The following GRID2 variants were observed in gnomAD, a reference collection of about 807,000 sequenced individuals.
The protein encoded by GRID2 is glutamate ionotropic receptor delta type subunit 2.
In GRID2, 33 loss-of-function variants were observed where a neutral mutation model predicts 114.8. The observed-to-expected ratio is 0.29, with a 90% CI of 0.22 to 0.38. GRID2 has a LOEUF of 0.38. Ranked by LOEUF, GRID2 falls within the 10% of genes least tolerant of loss-of-function variation. The pLI is 1.00. For synonymous variants in GRID2, 505 were observed against 449.9 expected (o/e 1.12, Z -1.55); for missense variants, 1,184 against 1,257.7 (o/e 0.94, Z 0.89).
At chr4:93,556,657 C>T (rs962641278) in intron 13 of GRID2, among the ~76,000 whole-genome samples, 4 of 152,134 alleles carry the variant, frequency 2.6e-5, no homozygotes, top group Non-Finnish European at 5.9e-5. Flanking sequence ...GAGAATGGAA[C>T]CAAGTTGAAA....
chr4:92,992,129 G>T (rs1045324299), intron 2 of GRID2, among the ~76,000 whole-genome samples: 1 of 152,050 alleles, frequency 6.6e-6, no homozygotes, highest in African/African-American at 2.4e-5. Context: ...TTAAAGAACT[G>T]GGTTGCCTGT....
intron 1 of GRID2, among the ~76,000 whole-genome samples, chr4:92,374,993 A>C (rs776101902): frequency 6.6e-6 from 1 of 152,152 alleles, no homozygotes; most frequent in African/African-American, 2.4e-5. Context: ...AATAAACCAG[A>C]CAGCAAGAGG....
intron 15 of GRID2, among the ~76,000 whole-genome samples, chr4:93,770,222 T>A (rs1429027276): frequency 6.6e-6 from 1 of 152,204 alleles, no homozygotes; most frequent in African/African-American, 2.4e-5. Context: ...GGTGAAAATG[T>A]TTTAACTGAT....
chr4:93,154,071 A>G (rs999375043), intron 4 of GRID2, among the ~76,000 whole-genome samples: 1 of 151,998 alleles, frequency 6.6e-6, no homozygotes, highest in African/African-American at 2.4e-5. Context: ...TATTCCTCCT[A>G]TTAATTAAAA....
intron 13 of GRID2, among the ~76,000 whole-genome samples, chr4:93,521,812 G>T (rs994836524): frequency 6.6e-6 from 1 of 152,128 alleles, no homozygotes; most frequent in Non-Finnish European, 1.5e-5. Flanking sequence ...TTCAAGCCAC[G>T]TTGGAGGAGT....
chr4:92,599,856 C>T (rs915633063), intron 2 of GRID2, among the ~76,000 whole-genome samples: 2 of 151,582 alleles, frequency 1.3e-5, no homozygotes, highest in African/African-American at 4.8e-5. Flanking sequence ...GAAACCCCGT[C>T]TCTACCTAAA....
chr4:92,634,850 G>GCAGAGAGA (rs1282811655), intron 2 of GRID2, among the ~76,000 whole-genome samples: 2 of 128,778 alleles, frequency 1.6e-5, no homozygotes, highest in African/African-American at 6.3e-5. Flanking sequence ...TGCATTCGTT[G>GCAGAGAGA]CAGAGAGACA....
rs1266661271 is a variant in GRID2, at chr4:92,449,710, T to TATATATATATATATAA, written c.89-140420_89-140419insTATATATATATATAAA. ...ATATATATATATATATATATATATA[T>TATATATATATATATAA]AACACTTAAGCCAAATTCATTTATA... On this transcript the variant is annotated intron_variant, in intron 1 of 15. Transcript: ENST00000282020. Among the ~76,000 whole-genome samples, 162 of 131,644 alleles carry TATATATATATATATAA rather than the reference T, an allele frequency of 1.2e-3. 1 individual carries two copies. The highest frequency in any genetic ancestry group is 4.5e-3 in the African/African-American group (153 of 34,330). The allele number at this position is 131,644 out of a possible 152,430, so 86.4% of individuals were successfully genotyped here.
intron 2 of GRID2, among the ~76,000 whole-genome samples, chr4:93,041,519 A>G (rs978219457): frequency 1.3e-5 from 2 of 152,156 alleles, no homozygotes; most frequent in Admixed American, 1.3e-4. Flanking sequence ...TTAAACTCAT[A>G]TGAGGGGAAC....
At chr4:92,368,327 G>T (rs750986247) in intron 1 of GRID2, among the ~76,000 whole-genome samples, 1 of 152,086 alleles carries the variant, frequency 6.6e-6, no homozygotes, top group Non-Finnish European at 1.5e-5. Flanking sequence ...AGTGAAACAG[G>T]TGAGGCATTG....
At chr4:92,457,901 G>A (rs937727686) in intron 1 of GRID2, among the ~76,000 whole-genome samples, 3 of 152,126 alleles carry the variant, frequency 2.0e-5, no homozygotes, top group African/African-American at 4.8e-5. Context: ...AATTTTCAGT[G>A]CTTTGAAATG....
At chr4:93,424,445 G>A (rs1768641226) in intron 10 of GRID2, among the ~76,000 whole-genome samples, 1 of 151,914 alleles carries the variant, frequency 6.6e-6, no homozygotes, top group Non-Finnish European at 1.5e-5. Context: ...TATTCTTACT[G>A]GATATCAAAC....
At chr4:92,509,825 A>G (rs1333321376) in intron 1 of GRID2, among the ~76,000 whole-genome samples, 1 of 151,932 alleles carries the variant, frequency 6.6e-6, no homozygotes, top group Non-Finnish European at 1.5e-5. Context: ...TAGGAACACC[A>G]AAAGCCCAGT....
chr4:93,258,800 A>C (rs1036218143), intron 8 of GRID2: 2 of 404,208 alleles, frequency 4.9e-6, no homozygotes, highest in East Asian at 1.4e-4. Flanking sequence ...GCATGGATTT[A>C]TTTATTGATC....
chr4:92,505,014 G>A (rs557951203), intron 1 of GRID2, among the ~76,000 whole-genome samples: 3 of 151,890 alleles, frequency 2.0e-5, no homozygotes, highest in East Asian at 1.9e-4. Context: ...TTAAACCGTC[G>A]AATCATTTAA....
intron 4 of GRID2, among the ~76,000 whole-genome samples, chr4:93,141,770 A>G (rs1187428433): frequency 1.3e-5 from 2 of 152,226 alleles, no homozygotes; most frequent in African/African-American, 4.8e-5. Flanking sequence ...AGCTCCTGTC[A>G]TAACAGAAAA....
chr4:92,706,616 G>A (rs1734970350), intron 2 of GRID2, among the ~76,000 whole-genome samples: 1 of 152,112 alleles, frequency 6.6e-6, no homozygotes, highest in Non-Finnish European at 1.5e-5. Flanking sequence ...TGCTATTAGT[G>A]TTTAGTGGGC....
chr4:92,384,331 A>G (rs1729764690), intron 1 of GRID2, among the ~76,000 whole-genome samples: 1 of 143,570 alleles, frequency 7.0e-6, no homozygotes, highest in African/African-American at 2.6e-5. Flanking sequence ...CTTTATGTGG[A>G]GTACAGTTTT....
intron 14 of GRID2, among the ~76,000 whole-genome samples, chr4:93,670,623 C>T (rs1315394676): frequency 1.3e-5 from 2 of 152,126 alleles, no homozygotes; most frequent in Non-Finnish European, 2.9e-5. Flanking sequence ...TTAGAGGGGT[C>T]CTACGGTGCA....
Sources: gnomAD v4.1 joint callset for allele counts (sites outside exome capture counted in the v4.1 genomes callset) on GRCh38, gnomAD v4.1.1 for gene constraint, MANE v1.5 for transcripts, NCBI Gene and HGNC (gene_info 2026-07-23, HGNC 2026-07-21) for gene names.